Variants in ADAM12 observed in about 807,000 individuals in gnomAD.
ADAM12 encodes disintegrin and metalloproteinase domain-containing protein 12.
Under a neutral mutation model 106.4 loss-of-function variants are expected in ADAM12, and 70 were observed. The observed-to-expected ratio is 0.66, with a 90% CI of 0.54 to 0.80. The LOEUF (loss-of-function observed/expected upper bound fraction) is 0.80. Among genes scored for constraint, ADAM12 ranks in the 30% least tolerant of loss-of-function variants. The pLI is 0.00. For missense variants in ADAM12, 1,010 were observed against 1,171.9 expected (o/e 0.86, Z 2.02); for synonymous variants, 420 against 433.5 (o/e 0.97, Z 0.39).
At chr10:126,215,196 G>A (rs1957966758) in intron 3 of ADAM12, among the ~76,000 whole-genome samples, 1 of 152,196 alleles carries the variant, frequency 6.6e-6, no homozygotes, top group Non-Finnish European at 1.5e-5. Context: ...CTCTGCTCCT[G>A]AAGGTACTGG....
intron 2 of ADAM12, among the ~76,000 whole-genome samples, chr10:126,283,849 T>A (rs1484636071): frequency 6.6e-6 from 1 of 152,222 alleles, no homozygotes; most frequent in Admixed American, 6.5e-5. Flanking sequence ...CTTTGTGCCT[T>A]ATTTGAGAAA....
intron 3 of ADAM12, among the ~76,000 whole-genome samples, chr10:126,215,249 T>C (rs2133843224): frequency 6.6e-6 from 1 of 152,286 alleles, no homozygotes; most frequent in Middle Eastern, 3.4e-3. Flanking sequence ...CATGCAGGGA[T>C]AACACTCCCC....
At chr10:126,385,003 C>G (rs951907865) in intron 1 of ADAM12, among the ~76,000 whole-genome samples, 7 of 152,226 alleles carry the variant, frequency 4.6e-5, no homozygotes, top group Admixed American at 1.3e-4. Context: ...CCACAACCCC[C>G]TTCTCAGGTT....
intron 3 of ADAM12, among the ~76,000 whole-genome samples, chr10:126,175,787 C>G (rs914514483): frequency 1.3e-5 from 2 of 152,202 alleles, no homozygotes; most frequent in Non-Finnish European, 2.9e-5. Context: ...CAAGCCCAGC[C>G]GGTGGCTGCC....
intron 3 of ADAM12, among the ~76,000 whole-genome samples, chr10:126,223,936 G>T (rs1049216761): frequency 1.3e-5 from 2 of 152,198 alleles, no homozygotes; most frequent in African/African-American, 4.8e-5. Flanking sequence ...TATAGATGAG[G>T]AAACTGCTAC....
chr10:126,101,826 G>C (rs1955673561), intron 8 of ADAM12, among the ~76,000 whole-genome samples: 2 of 152,272 alleles, frequency 1.3e-5, no homozygotes, highest in Non-Finnish European at 1.5e-5. Flanking sequence ...GGCATAAACA[G>C]AGCCCTTCTT....
At position 126,190,989 on chromosome 10, in the gene ADAM12, C is replaced by CTTTTTTTTTTTTTTTTTT. The variant is rs1957488604; in HGVS notation, c.261-35685_261-35684insAAAAAAAAAAAAAAAAAA. 8.7e-5 allele frequency among the ~76,000 whole-genome samples: 6 copies of CTTTTTTTTTTTTTTTTTT among 68,710 alleles called. 3 individuals carry two copies. The allele number at this position is 68,710 out of a possible 152,430, so 45.1% of individuals were successfully genotyped here. A position where few individuals can be genotyped will look rare whatever the true frequency, so the allele number is the denominator to read the frequency against. ...TTTGAGTTGCCATGAGGAGTTTTGT[C>CTTTTTTTTTTTTTTTTTT]CTTTTTTTTTTTTTTTTTTTTTTTT... On this transcript the variant is annotated intron_variant, in intron 3 of 22. Coordinates refer to ENST00000448723, the MANE Select transcript of ADAM12 (RefSeq NM_001288973.2).
chr10:126,219,595 T>A (rs1014703182), intron 3 of ADAM12, among the ~76,000 whole-genome samples: 1 of 152,224 alleles, frequency 6.6e-6, no homozygotes, highest in African/African-American at 2.4e-5. Flanking sequence ...AAAATCCTTA[T>A]AGTTGAACAA....
intron 11 of ADAM12, among the ~76,000 whole-genome samples, chr10:126,083,078 G>T (rs1404736804): frequency 6.6e-6 from 1 of 152,224 alleles, no homozygotes; most frequent in Non-Finnish European, 1.5e-5. Context: ...TGGCAGGCCT[G>T]CTGTGGATGC....
rs532911975 is a variant in ADAM12 at position 126,074,798 on chromosome 10, GTCCT to G, written c.1146-3148_1146-3145del. Among the ~76,000 whole-genome samples the G allele has an allele frequency of 1.4e-4, 21 of 152,296 alleles. No individual in the cohort carries two copies. The East Asian group carries it at 4.1e-3, about 29-fold the overall frequency. Reference sequence around the variant, plus strand: ...TCTGTTTTAAAAGGAAAGTAGCGATGTCCTCCTCAGATGCGAAATGAGGTCTTGA... The same window carrying G: ...TCTGTTTTAAAAGGAAAGTAGCGATGCCTCAGATGCGAAATGAGGTCTTGA... On this transcript the variant is annotated intron_variant, in intron 11 of 22. Transcript: ENST00000448723.
chr10:126,180,458 G>A (rs139811371), intron 3 of ADAM12, among the ~76,000 whole-genome samples: 150 of 152,260 alleles, frequency 9.9e-4, no homozygotes, highest in African/African-American at 3.5e-3. Flanking sequence ...GGCATGTAAC[G>A]TTTATTGCTA....
chr10:126,158,405 G>C, intron 3 of ADAM12, among the ~76,000 whole-genome samples: 1 of 122,898 alleles, frequency 8.1e-6, no homozygotes, highest in Non-Finnish European at 1.7e-5. Flanking sequence ...AGGATGCACA[G>C]AGCACGGAGA....
intron 21 of ADAM12, among the ~76,000 whole-genome samples, chr10:126,034,973 C>T (rs964256801): frequency 3.3e-5 from 5 of 152,158 alleles, no homozygotes; most frequent in Admixed American, 6.5e-5. Flanking sequence ...TTGTGTGTAT[C>T]GCAAACAACA....
At chr10:126,353,877 A>T (rs1299291376) in intron 1 of ADAM12, among the ~76,000 whole-genome samples, 1 of 152,124 alleles carries the variant, frequency 6.6e-6, no homozygotes, top group Admixed American at 6.5e-5. Flanking sequence ...TGAACAGCAT[A>T]TTTTCCAGGG....
In ADAM12 at chr10:126,098,488, G is replaced by A. The variant is rs1424140037; in HGVS notation, c.924C>T (p.Phe308=). ...GGGCCATGCCGATGGTGGTCCCTTG[G>A]AAATAAACCCCACTAGGAAATAAAA... ...DNAQLVSGVY[F]QGTTIGMAPI... is the part of the protein sequence containing the mutation. Residue 308 remains phenylalanine, a synonymous_variant, in exon 10 of 23, where the codon TTC becomes TTT. Coordinates refer to ENST00000448723, the MANE Select transcript of ADAM12 (RefSeq NM_001288973.2). The A allele has an allele frequency of 1.2e-6, 2 of 1,613,634 alleles. No homozygotes were observed. The highest frequency in any genetic ancestry group is 4.5e-5 in the East Asian group (2 of 44,876).
At chr10:126,192,051 A>G (rs896368151) in intron 3 of ADAM12, among the ~76,000 whole-genome samples, 3 of 152,082 alleles carry the variant, frequency 2.0e-5, no homozygotes, top group Middle Eastern at 3.2e-3. Flanking sequence ...ACCAAGGGGA[A>G]AGTCTGCCCC....
At chr10:126,018,829 T>C (rs1007646385) in intron 22 of ADAM12, among the ~76,000 whole-genome samples, 1 of 152,182 alleles carries the variant, frequency 6.6e-6, no homozygotes, top group African/African-American at 2.4e-5. Flanking sequence ...GTTTTCCCAG[T>C]GTCCTGCTGC....
At chr10:126,109,659 G>T in intron 7 of ADAM12, 116 bp downstream of exon 7, 2 of 809,058 alleles carry the variant, frequency 2.5e-6, no homozygotes, top group South Asian at 2.1e-5. Flanking sequence ...TGTTTCCATT[G>T]CTTTTAAGAG....
chr10:126,055,201 C>A (rs1954602846), intron 14 of ADAM12, among the ~76,000 whole-genome samples: 1 of 152,178 alleles, frequency 6.6e-6, no homozygotes, highest in African/African-American at 2.4e-5. Context: ...TCCCCACGGC[C>A]CCCAAATCCC....
Sources: gnomAD v4.1 joint callset for allele counts (sites outside exome capture counted in the v4.1 genomes callset) on GRCh38, gnomAD v4.1.1 for gene constraint, MANE v1.5 for transcripts, NCBI Gene and HGNC (gene_info 2026-07-23, HGNC 2026-07-21) for gene names.